FRMD5: variants seen among roughly 807,000 people sequenced by gnomAD.
FRMD5 encodes FERM domain containing 5.
A neutral mutation model predicts 69.0 loss-of-function variants in FRMD5; 20 were observed. The ratio of observed to expected loss-of-function variants is 0.29; its 90% CI spans 0.20 to 0.42. FRMD5 has a LOEUF of 0.42. FRMD5 is among the 10% of genes least tolerant of loss of function. The pLI is 1.00. For missense variants in FRMD5, 595 were observed against 708.6 expected (o/e 0.84, Z 1.82); for synonymous variants, 271 against 260.1 (o/e 1.04, Z -0.40).
At chr15:44,043,003 T>C (rs990884790) in intron 1 of FRMD5, among the ~76,000 whole-genome samples, 28 of 152,174 alleles carry the variant, frequency 1.8e-4, no homozygotes, top group Non-Finnish European at 3.4e-4. Context: ...TATTTGCAGA[T>C]GACATGATTG....
At chr15:44,013,791 A>G (rs1416436939) in intron 1 of FRMD5, among the ~76,000 whole-genome samples, 1 of 151,514 alleles carries the variant, frequency 6.6e-6, no homozygotes, top group African/African-American at 2.4e-5. Flanking sequence ...CTATAAGGAA[A>G]GTTAGAGGAA....
intron 1 of FRMD5, among the ~76,000 whole-genome samples, chr15:44,177,689 C>T (rs758597964): frequency 7.2e-5 from 11 of 152,032 alleles, no homozygotes; most frequent in Non-Finnish European, 1.5e-4. Context: ...GAAATGTACA[C>T]CTTAAACAGA....
At chr15:43,931,087 G>C (rs920379036) in intron 1 of FRMD5, among the ~76,000 whole-genome samples, 2 of 152,220 alleles carry the variant, frequency 1.3e-5, no homozygotes, top group Admixed American at 1.3e-4. Flanking sequence ...CCTGTGAAGT[G>C]TCTGGAAAGA....
chr15:43,985,312 C>T (rs1383887150), intron 1 of FRMD5, among the ~76,000 whole-genome samples: 2 of 135,318 alleles, frequency 1.5e-5, no homozygotes, highest in Non-Finnish European at 3.2e-5. Context: ...AAAGATTGGG[C>T]GTTTGGAACC....
chr15:44,186,290 G>C (rs1210222955), intron 1 of FRMD5, among the ~76,000 whole-genome samples: 1 of 152,140 alleles, frequency 6.6e-6, no homozygotes, highest in Non-Finnish European at 1.5e-5. Flanking sequence ...AAGAATCTTA[G>C]TGGCACCTCC....
At chr15:43,972,026 T>A (rs945093202) in intron 1 of FRMD5, among the ~76,000 whole-genome samples, 1 of 148,636 alleles carries the variant, frequency 6.7e-6, no homozygotes, top group Admixed American at 6.7e-5. Context: ...CAAGACCTCA[T>A]CTCTATTAAA....
At chr15:44,103,180 A>G (rs993620503) in intron 1 of FRMD5, among the ~76,000 whole-genome samples, 2 of 152,200 alleles carry the variant, frequency 1.3e-5, no homozygotes, top group Non-Finnish European at 2.9e-5. Context: ...CACAGCCAGC[A>G]TGAGTGTCCA....
At chr15:44,027,822 T>C (rs1003567814) in intron 1 of FRMD5, among the ~76,000 whole-genome samples, 6 of 151,988 alleles carry the variant, frequency 3.9e-5, no homozygotes, top group Non-Finnish European at 7.4e-5. Flanking sequence ...TTTTTCATAT[T>C]TTTAGTAGGG....
chr15:44,183,315 AG>A (rs2078042574), intron 1 of FRMD5, among the ~76,000 whole-genome samples: 1 of 152,184 alleles, frequency 6.6e-6, no homozygotes, highest in Non-Finnish European at 1.5e-5. Flanking sequence ...GTTATCCTGT[AG>A]GCAATGGGAA....
intron 1 of FRMD5, among the ~76,000 whole-genome samples, chr15:44,191,938 A>ATCTATC (rs2078203639): frequency 2.4e-5 from 3 of 125,880 alleles, no homozygotes; most frequent in African/African-American, 9.1e-5. Context: ...ATATATATAT[A>ATCTATC]TATGTATCTC....
intron 1 of FRMD5, among the ~76,000 whole-genome samples, chr15:44,192,172 A>G (rs1368479789): frequency 6.6e-6 from 1 of 152,112 alleles, no homozygotes; most frequent in Non-Finnish European, 1.5e-5. Flanking sequence ...CCTTCATTGA[A>G]AAGATATAAG....
chr15:43,990,131 C>T (rs922186127), intron 1 of FRMD5: 11 of 624,876 alleles, frequency 1.8e-5, no homozygotes, highest in Non-Finnish European at 3.1e-5. Flanking sequence ...CAAAGCTGGC[C>T]TTGCACATGC....
intron 1 of FRMD5, among the ~76,000 whole-genome samples, chr15:43,954,592 C>G (rs138024859): frequency 1.3e-5 from 2 of 152,316 alleles, no homozygotes; most frequent in East Asian, 3.9e-4. Context: ...GGGGTTGACT[C>G]ATCCTGGTTT....
chr15:44,180,729 G>A (rs1371465395), intron 1 of FRMD5, among the ~76,000 whole-genome samples: 1 of 152,076 alleles, frequency 6.6e-6, no homozygotes, highest in African/African-American at 2.4e-5. Context: ...AAGTTGCAGT[G>A]AGCTGAGATC....
chr15:44,096,206 C>CA (rs1213347011), intron 1 of FRMD5, among the ~76,000 whole-genome samples: 7,092 of 47,374 alleles, frequency 0.15, 447 homozygotes, highest in South Asian at 0.19. Context: ...AACTCCATCT[C>CA]AAAAAAAAAA....
At chr15:44,009,076 A>T (rs1173314625) in intron 1 of FRMD5, among the ~76,000 whole-genome samples, 1 of 152,200 alleles carries the variant, frequency 6.6e-6, no homozygotes, top group African/African-American at 2.4e-5. Context: ...GACAGGAACC[A>T]TGTCTGTCCC....
intron 1 of FRMD5, among the ~76,000 whole-genome samples, chr15:44,165,654 G>A (rs1419165249): frequency 6.6e-6 from 1 of 152,022 alleles, no homozygotes; most frequent in Non-Finnish European, 1.5e-5. Flanking sequence ...TGGGCAACAT[G>A]GTGAAACCCC....
chr15:44,177,030 G>C (rs1425891043), intron 1 of FRMD5, among the ~76,000 whole-genome samples: 2 of 151,516 alleles, frequency 1.3e-5, no homozygotes, highest in Non-Finnish European at 2.9e-5. Context: ...TGGAACCCTT[G>C]AGCCACTGTG....
At chr15:43,931,660 T>A (rs2140466159) in intron 1 of FRMD5, among the ~76,000 whole-genome samples, 1 of 152,264 alleles carries the variant, frequency 6.6e-6, no homozygotes, top group African/African-American at 2.4e-5. Context: ...GGGAGTATCC[T>A]GGATGGCCAG....
Sources: allele counts gnomAD v4.1 joint callset (sites outside exome capture counted in the v4.1 genomes callset), GRCh38; gene constraint gnomAD v4.1.1; transcripts MANE v1.5; gene names NCBI Gene and HGNC (gene_info 2026-07-23, HGNC 2026-07-21).